The following MAP2K2 variants were observed in gnomAD, a reference collection of about 807,000 sequenced individuals.
The protein encoded by MAP2K2 is mitogen-activated protein kinase kinase 2.
Under a neutral mutation model 43.7 loss-of-function variants are expected in MAP2K2, and 24 were observed. The observed-to-expected ratio is 0.55, with a 90% CI of 0.40 to 0.77. The LOEUF (loss-of-function observed/expected upper bound fraction) is 0.77. Ranked by LOEUF, MAP2K2 falls within the 30% of genes least tolerant of loss-of-function variation. MAP2K2 has a pLI of 0.00. For missense variants in MAP2K2, 470 were observed against 566.8 expected (o/e 0.83, Z 1.73); for synonymous variants, 244 against 239.7 (o/e 1.02, Z -0.17).
intron 8 of MAP2K2, 88 bp from the exon 9 acceptor site, chr19:4,095,537 C>T (rs951609541): frequency 1.3e-5 from 14 of 1,118,510 alleles, no homozygotes; most frequent in African/African-American, 4.6e-5. Flanking sequence ...CTGTCCTGTC[C>T]GGTCACCCAC....
chr19:4,117,293 G>C, intron 2 of MAP2K2, 126 bp downstream of exon 2: 1 of 927,780 alleles, frequency 1.1e-6, no homozygotes, highest in Admixed American at 2.1e-5. Context: ...AGTCCCTGGT[G>C]GGGATGAGGG....
intron 3 of MAP2K2, among the ~76,000 whole-genome samples, chr19:4,109,624 A>T (rs2041130022): frequency 6.6e-6 from 1 of 152,100 alleles, no homozygotes; most frequent in Non-Finnish European, 1.5e-5. Flanking sequence ...TAAAACAGGC[A>T]CGTGCCACCA....
At chr19:4,111,545 C>A (rs915165164) in intron 2 of MAP2K2, among the ~76,000 whole-genome samples, 1 of 152,156 alleles carries the variant, frequency 6.6e-6, no homozygotes, top group African/African-American at 2.4e-5. Context: ...GAGCCGCGGG[C>A]GCCCCTGAGA....
At chr19:4,110,875 G>A (rs548186237) in intron 2 of MAP2K2, among the ~76,000 whole-genome samples, 1 of 152,302 alleles carries the variant, frequency 6.6e-6, no homozygotes, top group South Asian at 2.1e-4. Context: ...GCAGGCAAGG[G>A]TGGAAAGAAC....
chr19:4,111,522 C>T (rs1291800541), intron 2 of MAP2K2, among the ~76,000 whole-genome samples: 2 of 152,158 alleles, frequency 1.3e-5, no homozygotes, highest in Admixed American at 6.5e-5. Flanking sequence ...CCCGTGGAGA[C>T]GTTAGCCACA....
chr19:4,103,369 G>T, intron 3 of MAP2K2: 1 of 578,986 alleles, frequency 1.7e-6, no homozygotes, highest in Non-Finnish European at 2.2e-6. Context: ...GGCACTGGGA[G>T]CCACCCAAGG....
Position 4,092,374 on chromosome 19 carries a change from G to A in MAP2K2, c.1093-1666C>T, listed in dbSNP as rs137972846. On this transcript the variant is annotated intron_variant, in intron 10 of 10. Transcript: ENST00000262948. ...AGCACTCTGGGAGACCTAGGTGGGT[G>A]GATCACAAGTTCGAGACTGGCCTGG... 1.4e-4 allele frequency among the ~76,000 whole-genome samples: 22 copies of A among 152,112 alleles called. No homozygotes were observed. In the East Asian group the frequency reaches 3.9e-3, roughly 27 times the overall value.
intron 2 of MAP2K2, among the ~76,000 whole-genome samples, chr19:4,116,271 C>T (rs1168436951): frequency 6.6e-6 from 1 of 152,200 alleles, no homozygotes; most frequent in Non-Finnish European, 1.5e-5. Flanking sequence ...TGGCTCATGC[C>T]TGTAATCCTA....
At chr19:4,114,722 A>G (rs2041199353) in intron 2 of MAP2K2, among the ~76,000 whole-genome samples, 2 of 152,144 alleles carry the variant, frequency 1.3e-5, no homozygotes, top group South Asian at 2.1e-4. Context: ...GCCAAGATGC[A>G]TGGATTCCTT....
Position 4,090,689 on chromosome 19 carries a change from C to G in MAP2K2, c.1112G>C (p.Arg371Pro). The G allele has an allele frequency of 6.4e-7, 1 of 1,558,498 alleles. No homozygotes were observed. Among genetic ancestry groups the G allele is most frequent in the Non-Finnish European group, 8.7e-7 (1 of 1,150,960 alleles). The change falls in exon 11 of 11, where the codon CGG (arginine) becomes CCG (proline). Residue 371 changes from arginine to proline, a missense_variant. By Grantham distance (103) the Arg-to-Pro change is moderately radical. Around this residue, in one of 3 missense-constraint regions of MAP2K2, gnomAD observed 212 missense variants for 220.8 expected, o/e 0.96. Coordinates refer to ENST00000262948, the MANE Select transcript of MAP2K2 (RefSeq NM_030662.4). ...AAAATCCACTTCTTCCACCTCGGAC[C>G]GCTTGATGAAGGTGTGGTTCTGCAA... The part of the protein sequence containing the change: ...KMLTNHTFIK[R>P]SEVEEVDFAG...
chr19:4,101,193 C>T lies in MAP2K2; in HGVS notation c.580+36G>A, dbSNP rs377339317. 54 of 1,595,614 alleles carry T rather than the reference C, an allele frequency of 3.4e-5. 1 individual carries two copies. In the African/African-American group the frequency reaches 6.0e-4, roughly 18 times the overall value. On this transcript the variant is annotated intron_variant, in intron 5 of 10. Coordinates refer to ENST00000262948, the MANE Select transcript of MAP2K2 (RefSeq NM_030662.4). The surrounding 1 kb of genome is among the most constrained non-coding windows in gnomAD (Gnocchi z 6.3). ...GGGGCGCCCAACAGTTGCCTGCCGG[C>T]CCCCGGGGCTCTGGGGAGGGCGGGC...
In MAP2K2 at chr19:4,101,164, G is replaced by A. The variant is rs2041003905; in HGVS notation, c.581-21C>T. ...CACATCTGGAGGCGGCAGGCTGCGG[G>A]TGAGGGGCGCCCAACAGTTGCCTGC... On this transcript the variant is annotated intron_variant, in intron 5 of 10. Transcript: ENST00000262948. This position sits in a 1 kb window ranked among gnomAD's most constrained non-coding sequence, Gnocchi z 6.3. 1.2e-6 allele frequency: 2 copies of A among 1,604,578 alleles called. No homozygotes were observed. Among genetic ancestry groups the A allele is most frequent in the Non-Finnish European group, 8.5e-7 (1 of 1,176,072 alleles).
chr19:4,107,993 C>T (rs1173738701), intron 3 of MAP2K2, among the ~76,000 whole-genome samples: 1 of 152,174 alleles, frequency 6.6e-6, no homozygotes, highest in Non-Finnish European at 1.5e-5. Flanking sequence ...TCCTCAGCCC[C>T]GGTGCTAAGC....
In MAP2K2 at chr19:4,090,462, G is replaced by T; in HGVS notation, c.*136C>A. 2 of 778,004 alleles carry T rather than the reference G, an allele frequency of 2.6e-6. No individual in the cohort carries two copies. The highest frequency in any genetic ancestry group is 2.0e-5 in the Admixed American group (1 of 49,168). 48.2% of individuals were successfully genotyped at this position (778,004 alleles called of 1,614,324 possible). A position where few individuals can be genotyped will look rare whatever the true frequency, so the allele number is the denominator to read the frequency against. ...GACCCCCGTTCCTGCATGCGCTGTC[G>T]CCCCGCCACGGTGCTCTCCGCAGGG... On this transcript the variant is annotated 3_prime_UTR_variant, in exon 11 of 11. Coordinates refer to ENST00000262948, the MANE Select transcript of MAP2K2 (RefSeq NM_030662.4).
chr19:4,102,084 G>A (rs1163556068), intron 4 of MAP2K2, among the ~76,000 whole-genome samples: 1 of 152,148 alleles, frequency 6.6e-6, no homozygotes, highest in East Asian at 1.9e-4. Context: ...CGTGCCAGCT[G>A]CCAACATCCC....
intron 4 of MAP2K2, among the ~76,000 whole-genome samples, chr19:4,102,040 A>G (rs147633967): frequency 6.6e-6 from 1 of 152,146 alleles, no homozygotes; most frequent in Non-Finnish European, 1.5e-5. Context: ...CCCACCCCAG[A>G]GTCTCCCTTT....
chr19:4,109,229 C>T (rs1366135706), intron 3 of MAP2K2, among the ~76,000 whole-genome samples: 1 of 152,130 alleles, frequency 6.6e-6, no homozygotes, highest in Non-Finnish European at 1.5e-5. Context: ...GCTCTGGCCA[C>T]TTCTCCTTTT....
intron 3 of MAP2K2, among the ~76,000 whole-genome samples, chr19:4,105,756 C>T (rs1243151479): frequency 6.6e-6 from 1 of 152,190 alleles, no homozygotes; most frequent in Non-Finnish European, 1.5e-5. Flanking sequence ...TCACTGCAGC[C>T]TCCACCTCCT....
intron 8 of MAP2K2, among the ~76,000 whole-genome samples, chr19:4,096,065 G>A (rs764493102): frequency 7.2e-5 from 11 of 152,224 alleles, no homozygotes; most frequent in Non-Finnish European, 1.5e-4. Context: ...CTGAGCCACC[G>A]TGCCCGGCCA....
Sources: allele counts gnomAD v4.1 joint callset (sites outside exome capture counted in the v4.1 genomes callset), GRCh38; gene constraint gnomAD v4.1.1; regional missense constraint gnomAD v4.1.1; non-coding constraint Gnocchi (gnomAD v3.1); transcripts MANE v1.5; gene names NCBI Gene and HGNC (gene_info 2026-07-23, HGNC 2026-07-21).